CAST: variants seen among roughly 807,000 people sequenced by gnomAD.
CAST encodes the protein calpastatin.
CAST carries 76 observed loss-of-function variants against 119.6 expected under a neutral mutation model. The observed-to-expected ratio is 0.64, with a 90% CI of 0.53 to 0.77. The LOEUF is 0.77. Among genes scored for constraint, CAST ranks in the 30% least tolerant of loss-of-function variants. The probability of loss-of-function intolerance (pLI) is 0.00; values close to 1 mark genes in which losing one functional copy is unlikely to be tolerated. For synonymous variants in CAST, 319 were observed against 331.6 expected, an observed-to-expected ratio of 0.96 and a Z score of 0.41; for missense variants, 953 against 946.5, an observed-to-expected ratio of 1.01 and a Z score of -0.09.
chr5:96,574,399 T>C (rs1282368971), intron 1 of CAST, among the ~76,000 whole-genome samples: 3 of 152,350 alleles, frequency 2.0e-5, no homozygotes, highest in Non-Finnish European at 2.9e-5. Context: ...TTTTGTTCTG[T>C]TGGGTTTTGA....
the CAST span, among the ~76,000 whole-genome samples, chr5:96,250,774 A>G: frequency 6.6e-6 from 1 of 152,100 alleles, no homozygotes; most frequent in African/African-American, 2.4e-5. Context: ...TACTTTAGCA[A>G]TAGTCTAGAT....
chr5:96,093,204 C>T, the CAST span, among the ~76,000 whole-genome samples: 2 of 152,072 alleles, frequency 1.3e-5, no homozygotes, highest in Non-Finnish European at 2.9e-5. Flanking sequence ...GATCAGCATT[C>T]GGTGACCCAA....
At chr5:96,635,984 G>A (rs993650473) in intron 1 of CAST, among the ~76,000 whole-genome samples, 4 of 152,136 alleles carry the variant, frequency 2.6e-5, no homozygotes, top group Non-Finnish European at 5.9e-5. Flanking sequence ...TAGGAATACA[G>A]CCATGTGGAA....
chr5:96,611,381 G>A (rs113188076), intron 1 of CAST, among the ~76,000 whole-genome samples: 3,058 of 152,222 alleles, frequency 0.02, 87 homozygotes, highest in African/African-American at 0.07. Context: ...TTCGACAAAT[G>A]GTGCTGGGAA....
At chr5:96,365,941 G>A in the CAST span, among the ~76,000 whole-genome samples, 9 of 152,142 alleles carry the variant, frequency 5.9e-5, no homozygotes, top group Non-Finnish European at 1.0e-4. Context: ...TTTACAATTT[G>A]GCATGTTTTT....
At chr5:96,164,151 T>C in the CAST span, among the ~76,000 whole-genome samples, 1 of 152,208 alleles carries the variant, frequency 6.6e-6, no homozygotes, top group African/African-American at 2.4e-5. Flanking sequence ...CTCACATACA[T>C]ATGTTTTGGG....
At chr5:96,257,182 G>A in the CAST span, among the ~76,000 whole-genome samples, 1 of 152,134 alleles carries the variant, frequency 6.6e-6, no homozygotes, top group Admixed American at 6.6e-5. Flanking sequence ...AGAGTTCTGG[G>A]GGCAAGAGCA....
At chr5:96,700,251 C>T (rs1753725389) in intron 3 of CAST, among the ~76,000 whole-genome samples, 1 of 152,130 alleles carries the variant, frequency 6.6e-6, no homozygotes, top group East Asian at 1.9e-4. Context: ...TTTTAATGTG[C>T]TATAAAAAGT....
chr5:96,616,753 T>TATATACAC lies in CAST; in HGVS notation c.61-58785_61-58784insTATACACA, dbSNP rs1167637550. On this transcript the variant is annotated intron_variant, in intron 1 of 11. Transcript: ENST00000505143. ...CGCTCTCTCTCTCTCTCTATATATA[T>TATATACAC]ACACACACACACACACACACACACA... Among the ~76,000 whole-genome samples, 630 of 130,804 alleles carry TATATACAC rather than the reference T, an allele frequency of 4.8e-3. 2 individuals carry two copies. Among genetic ancestry groups the TATATACAC allele is most frequent in the Middle Eastern group, 0.011 (3 of 264 alleles). 85.8% of individuals were successfully genotyped at this position (130,804 alleles called of 152,430 possible). A position where few individuals can be genotyped will look rare whatever the true frequency, so the allele number is the denominator to read the frequency against.
At chr5:96,108,553 G>T in the CAST span, among the ~76,000 whole-genome samples, 3 of 152,228 alleles carry the variant, frequency 2.0e-5, no homozygotes, top group African/African-American at 7.2e-5. Flanking sequence ...AGGGGTCAGG[G>T]ACCCACTTGA....
the CAST span, among the ~76,000 whole-genome samples, chr5:96,222,026 T>C: frequency 4.6e-5 from 7 of 152,142 alleles, no homozygotes; most frequent in Admixed American, 3.9e-4. Flanking sequence ...TGCTTTTTAA[T>C]AAATAGTGTT....
chr5:96,625,943 C>T (rs1466222176), intron 1 of CAST, among the ~76,000 whole-genome samples: 1 of 152,204 alleles, frequency 6.6e-6, no homozygotes, highest in African/African-American at 2.4e-5. Flanking sequence ...CTGAGACGTC[C>T]AGAACTGCCT....
intron 1 of CAST, among the ~76,000 whole-genome samples, chr5:96,667,326 C>T (rs1230541519): frequency 1.3e-5 from 2 of 152,136 alleles, no homozygotes; most frequent in Non-Finnish European, 1.5e-5. Flanking sequence ...GTGCAGAGTG[C>T]GGTGGACACA....
At chr5:96,300,916 T>C in the CAST span, among the ~76,000 whole-genome samples, 4 of 150,020 alleles carry the variant, frequency 2.7e-5, no homozygotes. Context: ...CACGTTAATA[T>C]AGAGAAATGC....
intron 1 of CAST, among the ~76,000 whole-genome samples, chr5:96,560,666 C>T (rs1422005814): frequency 6.6e-6 from 1 of 152,134 alleles, no homozygotes; most frequent in Non-Finnish European, 1.5e-5. Flanking sequence ...CATCTCACAC[C>T]AGTTAGAATG....
chr5:96,411,785 C>A, the CAST span, among the ~76,000 whole-genome samples: 15 of 152,270 alleles, frequency 9.9e-5, no homozygotes, highest in East Asian at 2.5e-3. Flanking sequence ...CAACCTCAGA[C>A]CCAAATAGGG....
the CAST span, among the ~76,000 whole-genome samples, chr5:96,061,168 T>C: frequency 1.3e-5 from 2 of 152,092 alleles, no homozygotes; most frequent in Non-Finnish European, 2.9e-5. Context: ...ATTCCACTCC[T>C]AACACCCCTA....
the CAST span, among the ~76,000 whole-genome samples, chr5:96,209,244 A>G: frequency 1.4e-4 from 22 of 152,022 alleles, no homozygotes; most frequent in Middle Eastern, 3.4e-3. Flanking sequence ...TGAAGACAGG[A>G]TACAGTTAGG....
At chr5:96,167,894 G>GGA in the CAST span, among the ~76,000 whole-genome samples, 1 of 152,064 alleles carries the variant, frequency 6.6e-6, no homozygotes. Flanking sequence ...GAAGTGGGTG[G>GGA]GGGGGCCTGA....
Sources: allele counts gnomAD v4.1 joint callset (sites outside exome capture counted in the v4.1 genomes callset), GRCh38; gene constraint gnomAD v4.1.1; transcripts MANE v1.5; gene names NCBI Gene and HGNC (gene_info 2026-07-23, HGNC 2026-07-21).